Variants in PACRG observed in about 807,000 individuals in gnomAD.
PACRG encodes parkin coregulated, also known as parkin coregulated gene protein.
In PACRG, 29 loss-of-function variants were observed where a neutral mutation model predicts 29.7. The observed-to-expected ratio is 0.98, with a 90% CI of 0.73 to 1.33. PACRG has a LOEUF of 1.33. PACRG is among the 40% of genes most tolerant of loss of function. The probability of loss-of-function intolerance (pLI) is 0.00; values close to 1 mark genes in which losing one functional copy is unlikely to be tolerated. For synonymous variants in PACRG, 116 were observed against 118.7 expected (o/e 0.98, Z 0.15); for missense variants, 279 against 316.2 (o/e 0.88, Z 0.89).
intron 4 of PACRG, among the ~76,000 whole-genome samples, chr6:163,121,067 C>T (rs1816243922): frequency 6.6e-6 from 1 of 152,180 alleles, no homozygotes. Context: ...ATAACAACAT[C>T]ACTACAAATT....
chr6:162,943,450 G>A (rs1221846444), intron 2 of PACRG, among the ~76,000 whole-genome samples: 2 of 152,118 alleles, frequency 1.3e-5, no homozygotes, highest in African/African-American at 2.4e-5. Flanking sequence ...CCACCAGGCT[G>A]AAGTGCACAC....
At chr6:162,763,144 TA>T (rs1782508230) in intron 1 of PACRG, among the ~76,000 whole-genome samples, 1 of 152,192 alleles carries the variant, frequency 6.6e-6, no homozygotes, top group Non-Finnish European at 1.5e-5. Context: ...CCTTGATTAA[TA>T]AAAATACATG....
At chr6:162,946,822 A>G (rs1584828284) in intron 2 of PACRG, among the ~76,000 whole-genome samples, 1 of 152,178 alleles carries the variant, frequency 6.6e-6, no homozygotes, top group Admixed American at 6.5e-5. Flanking sequence ...ATGGTTCAAC[A>G]TATGCAAATC....
chr6:163,172,641 G>A lies in PACRG; in HGVS notation c.613+83233G>A, dbSNP rs1369336440. Among the ~76,000 whole-genome samples, 8 of 152,302 alleles carry A rather than the reference G, an allele frequency of 5.3e-5. No individual in the cohort carries two copies. In the South Asian group the frequency reaches 1.0e-3, roughly 20 times the overall value. ...TTCTGGTGGATCCTGAAACACATGC[G>A]AGAACTCACATCTGGGGGCCAGGGA... On this transcript the variant is annotated intron_variant, in intron 4 of 4. Coordinates refer to ENST00000366888, the MANE Select transcript of PACRG (RefSeq NM_001080379.2).
At position 162,792,492 on chromosome 6, in the gene PACRG, C is replaced by T. The variant is rs191914614; in HGVS notation, c.157-21655C>T. On this transcript the variant is annotated intron_variant, in intron 1 of 4. Transcript: ENST00000366888. Reference sequence around the variant, plus strand: ...ATTATTTGTCAGAAACCTGGCTGGCCAGGATGCAGGTCAAGACCGTGATAG... The same window carrying T: ...ATTATTTGTCAGAAACCTGGCTGGCTAGGATGCAGGTCAAGACCGTGATAG... 2.6e-4 allele frequency among the ~76,000 whole-genome samples: 40 copies of T among 152,186 alleles called. 1 individual carries two copies. In the East Asian group the frequency reaches 7.4e-3, roughly 28 times the overall value.
chr6:162,810,034 A>G (rs1282123360), intron 1 of PACRG, among the ~76,000 whole-genome samples: 3 of 152,138 alleles, frequency 2.0e-5, no homozygotes, highest in Admixed American at 6.5e-5. Flanking sequence ...ACCACTGCCC[A>G]GGGTAATGAG....
intron 4 of PACRG, chr6:163,190,738 G>A: frequency 3.8e-6 from 1 of 266,416 alleles, no homozygotes; most frequent in Non-Finnish European, 7.5e-6. Context: ...TTGGGCAAAA[G>A]TGTAGGGCTC....
chr6:163,143,238 A>T (rs1777627096), intron 4 of PACRG, among the ~76,000 whole-genome samples: 1 of 152,178 alleles, frequency 6.6e-6, no homozygotes, highest in Non-Finnish European at 1.5e-5. Flanking sequence ...AAAAAATAAA[A>T]AGTTCATAAA....
intron 4 of PACRG, among the ~76,000 whole-genome samples, chr6:163,213,750 T>A (rs1017681292): frequency 6.6e-6 from 1 of 152,222 alleles, no homozygotes; most frequent in African/African-American, 2.4e-5. Flanking sequence ...GTATTACGAA[T>A]ACCCCCACTT....
chr6:163,150,533 G>A (rs6916027), intron 4 of PACRG, among the ~76,000 whole-genome samples: 46,705 of 152,094 alleles, frequency 0.31, 7,302 homozygotes, highest in South Asian at 0.47. Flanking sequence ...TCTCCCTCCT[G>A]TCCCCCAGCC....
At position 162,903,516 on chromosome 6, in the gene PACRG, A is replaced by AAG. The variant is rs538288928; in HGVS notation, c.291+89241_291+89242dup. The stretch of plus-strand genomic sequence containing the variant: ...AGACACATCTTACATGGCGGCAGGC[A>AAG]AGAGAGAATGAGAACCAAGTGAAAG... On this transcript the variant is annotated intron_variant, in intron 2 of 4. Transcript: ENST00000366888. Among the ~76,000 whole-genome samples the AAG allele has an allele frequency of 6.2e-3, 943 of 152,224 alleles. 3 individuals carry two copies. The highest frequency in any genetic ancestry group is 0.01 in the Non-Finnish European group (711 of 68,008).
chr6:163,162,743 T>G (rs1479742852), intron 4 of PACRG, among the ~76,000 whole-genome samples: 1 of 152,214 alleles, frequency 6.6e-6, no homozygotes, highest in African/African-American at 2.4e-5. Context: ...GTGGTAGGGC[T>G]GCAGCCAGGG....
chr6:163,301,642 G>A (rs1785006370), intron 4 of PACRG, among the ~76,000 whole-genome samples: 1 of 152,136 alleles, frequency 6.6e-6, no homozygotes, highest in Non-Finnish European at 1.5e-5. Flanking sequence ...TTATTAAACA[G>A]TAAAGCAAAA....
At chr6:162,911,332 G>T (rs1347227293) in intron 2 of PACRG, among the ~76,000 whole-genome samples, 1 of 152,170 alleles carries the variant, frequency 6.6e-6, no homozygotes, top group Non-Finnish European at 1.5e-5. Context: ...AAGTGTGTGA[G>T]ATTTTCTTCT....
intron 4 of PACRG, among the ~76,000 whole-genome samples, chr6:163,178,295 C>A (rs552772845): frequency 3.2e-4 from 48 of 152,202 alleles, no homozygotes; most frequent in South Asian, 6.2e-4. Flanking sequence ...CTCTCAGCCA[C>A]CCTCACAGCT....
chr6:162,854,392 G>A (rs866526838), intron 2 of PACRG, among the ~76,000 whole-genome samples: 1 of 152,074 alleles, frequency 6.6e-6, no homozygotes. Context: ...CTGTGTGTTT[G>A]TTTAACCAGT....
intron 4 of PACRG, among the ~76,000 whole-genome samples, chr6:163,204,298 G>A (rs1271345572): frequency 6.6e-6 from 1 of 152,104 alleles, no homozygotes; most frequent in Non-Finnish European, 1.5e-5. Flanking sequence ...CAGACTATTG[G>A]GGCTTCAAGT....
At position 163,179,082 on chromosome 6, in the gene PACRG, T is replaced by C. The variant is rs116971621; in HGVS notation, c.613+89674T>C. ...GTCACTGATATTTACCACACAGGAC[T>C]TAATCAAAAAGAAGCTTAGGTTTCA... On this transcript the variant is annotated intron_variant, in intron 4 of 4. Transcript: ENST00000366888. The C allele has an allele frequency of 8.2e-4, 324 of 394,552 alleles. 3 individuals carry two copies. In the East Asian group the frequency reaches 0.01, roughly 13 times the overall value. The allele number at this position is 394,552 out of a possible 1,614,324, so 24.4% of individuals were successfully genotyped here. A position where few individuals can be genotyped will look rare whatever the true frequency, so the allele number is the denominator to read the frequency against.
At chr6:163,261,181 G>A (rs1345011885) in intron 4 of PACRG, among the ~76,000 whole-genome samples, 6 of 151,928 alleles carry the variant, frequency 3.9e-5, no homozygotes, top group Non-Finnish European at 8.8e-5. Flanking sequence ...GCTGATCTCC[G>A]CCTCTTCTGC....
Sources: gnomAD v4.1 joint callset for allele counts (sites outside exome capture counted in the v4.1 genomes callset) on GRCh38, gnomAD v4.1.1 for gene constraint, MANE v1.5 for transcripts, NCBI Gene and HGNC (gene_info 2026-07-23, HGNC 2026-07-21) for gene names.